Variants in SYNDIG1 observed in about 807,000 individuals in gnomAD.
SYNDIG1 encodes the protein synapse differentiation-inducing gene protein 1.
In SYNDIG1, 9 loss-of-function variants were observed where a neutral mutation model predicts 19.4. The ratio of observed to expected loss-of-function variants is 0.46; its 90% CI spans 0.28 to 0.81. SYNDIG1 has a LOEUF of 0.81. Ranked by LOEUF, SYNDIG1 falls within the 30% of genes least tolerant of loss-of-function variation. SYNDIG1 has a pLI of 0.12. For missense variants in SYNDIG1, 311 were observed against 343.3 expected, an observed-to-expected ratio of 0.91 and a Z score of 0.74; for synonymous variants, 141 against 145.9, an observed-to-expected ratio of 0.97 and a Z score of 0.24.
chr20:24,519,246 C>G (rs183191765), intron 1 of SYNDIG1, among the ~76,000 whole-genome samples: 1 of 152,114 alleles, frequency 6.6e-6, no homozygotes, highest in Non-Finnish European at 1.5e-5. Context: ...CGATACTGTC[C>G]GTGAAATTGT....
Position 24,578,900 on chromosome 20 carries a change from A to G in SYNDIG1, c.481-5956A>G, listed in dbSNP as rs567671678. ...TGCTGCATTCTCCATCATAAAGGCCACGAGCTCCCTGGAGTTCCCAGGAGG... is the reference window on the plus strand; with the variant it reads ...TGCTGCATTCTCCATCATAAAGGCCGCGAGCTCCCTGGAGTTCCCAGGAGG... On this transcript the variant is annotated intron_variant, in intron 2 of 3. Transcript: ENST00000376862. Among the ~76,000 whole-genome samples the G allele has an allele frequency of 3.9e-5, 6 of 152,328 alleles. No homozygotes were observed. The East Asian group carries it at 9.6e-4, about 24-fold the overall frequency.
intron 3 of SYNDIG1, among the ~76,000 whole-genome samples, chr20:24,639,736 G>A (rs540154592): frequency 5.1e-4 from 78 of 152,324 alleles, no homozygotes; most frequent in Non-Finnish European, 1.1e-3. Flanking sequence ...ACACTCAAGA[G>A]TTTAGCCTGA....
intron 1 of SYNDIG1, among the ~76,000 whole-genome samples, chr20:24,490,176 C>G (rs545399016): frequency 2.0e-5 from 3 of 152,176 alleles, no homozygotes; most frequent in African/African-American, 7.2e-5. Context: ...AGTGCCTCTG[C>G]GGGTCTGGTT....
intron 3 of SYNDIG1, among the ~76,000 whole-genome samples, chr20:24,635,250 C>G (rs1475180476): frequency 6.6e-6 from 1 of 152,236 alleles, no homozygotes; most frequent in East Asian, 1.9e-4. Flanking sequence ...AGAAACCATG[C>G]AGTGAAGAGC....
At chr20:24,587,208 G>C (rs1198593486) in intron 3 of SYNDIG1, among the ~76,000 whole-genome samples, 2 of 152,230 alleles carry the variant, frequency 1.3e-5, no homozygotes, top group African/African-American at 4.8e-5. Context: ...TATGGGCGTA[G>C]AGAGGAGCTC....
At chr20:24,649,254 T>C (rs1225459912) in intron 3 of SYNDIG1, among the ~76,000 whole-genome samples, 1 of 152,212 alleles carries the variant, frequency 6.6e-6, no homozygotes, top group East Asian at 1.9e-4. Flanking sequence ...GGGTGGACAC[T>C]CAGCTGACCA....
intron 2 of SYNDIG1, among the ~76,000 whole-genome samples, chr20:24,568,024 C>G (rs1353499105): frequency 6.6e-6 from 1 of 152,092 alleles, no homozygotes; most frequent in African/African-American, 2.4e-5. Flanking sequence ...GCCTGTAATC[C>G]CAGCTACTTG....
chr20:24,517,805 T>TATA (rs1555790325), intron 1 of SYNDIG1, among the ~76,000 whole-genome samples: 44 of 143,178 alleles, frequency 3.1e-4, no homozygotes, highest in African/African-American at 9.5e-4. Context: ...AAAATATTTT[T>TATA]TATATATATA....
intron 1 of SYNDIG1, among the ~76,000 whole-genome samples, chr20:24,521,225 G>A (rs566040536): frequency 4.6e-5 from 7 of 152,286 alleles, no homozygotes; most frequent in African/African-American, 9.6e-5. Flanking sequence ...GTCAATGGGC[G>A]TTTTCATTGT....
intron 1 of SYNDIG1, among the ~76,000 whole-genome samples, chr20:24,511,758 T>C (rs939054780): frequency 5.9e-5 from 9 of 152,180 alleles, no homozygotes; most frequent in African/African-American, 2.2e-4. Flanking sequence ...TTATGCAGCA[T>C]ACTTACATGC....
rs956381706 is a variant in SYNDIG1 at position 24,491,266 on chromosome 20, AAC to A, written c.-79+21515_-79+21516del. On this transcript the variant is annotated intron_variant, in intron 1 of 3. Transcript: ENST00000376862. Reference sequence around the variant, plus strand: ...TGGTGACTCGTGGAATACTTAATAAAACAAAGTAAGGGTTGCCCCTGGAGAAC... The same window carrying A: ...TGGTGACTCGTGGAATACTTAATAAAAAAGTAAGGGTTGCCCCTGGAGAAC... Among the ~76,000 whole-genome samples the A allele has an allele frequency of 5.2e-4, 79 of 152,326 alleles. 1 individual carries two copies. The highest frequency in any genetic ancestry group is 1.8e-3 in the African/African-American group (76 of 41,590).
At chr20:24,598,435 T>A (rs527576279) in intron 3 of SYNDIG1, among the ~76,000 whole-genome samples, 1 of 152,232 alleles carries the variant, frequency 6.6e-6, no homozygotes, top group African/African-American at 2.4e-5. Flanking sequence ...TTACAGTGAG[T>A]TTTATTTCAT....
chr20:24,635,864 C>A (rs978228188), intron 3 of SYNDIG1, among the ~76,000 whole-genome samples: 13 of 152,174 alleles, frequency 8.5e-5, no homozygotes. Context: ...GGTCACCATG[C>A]CATCTACCAC....
chr20:24,554,913 G>A (rs1240964226), intron 2 of SYNDIG1, among the ~76,000 whole-genome samples: 10 of 151,696 alleles, frequency 6.6e-5, no homozygotes, highest in East Asian at 1.9e-4. Flanking sequence ...GGTAGAATTC[G>A]GCTGTGAATC....
intron 3 of SYNDIG1, among the ~76,000 whole-genome samples, chr20:24,646,025 G>T (rs1453122759): frequency 6.6e-6 from 1 of 152,134 alleles, no homozygotes; most frequent in East Asian, 1.9e-4. Context: ...CATCCACCTG[G>T]AGAGAGGAGA....
intron 1 of SYNDIG1, among the ~76,000 whole-genome samples, chr20:24,516,124 C>T (rs1234460552): frequency 6.6e-6 from 1 of 152,206 alleles, no homozygotes; most frequent in Non-Finnish European, 1.5e-5. Context: ...GCTGGGAAAA[C>T]TGGCTAGCCA....
At chr20:24,634,909 A>G (rs2059300128) in intron 3 of SYNDIG1, among the ~76,000 whole-genome samples, 1 of 152,150 alleles carries the variant, frequency 6.6e-6, no homozygotes, top group African/African-American at 2.4e-5. Context: ...GCTGCTGAGC[A>G]TTGGTTGTGC....
intron 1 of SYNDIG1, among the ~76,000 whole-genome samples, chr20:24,497,264 C>T (rs114231688): frequency 0.026 from 3,941 of 152,232 alleles, 177 homozygotes; most frequent in African/African-American, 0.09. Context: ...TGCAGGGATG[C>T]GATCTCGGCT....
At chr20:24,613,883 G>A (rs573763965) in intron 3 of SYNDIG1, among the ~76,000 whole-genome samples, 59 of 152,358 alleles carry the variant, frequency 3.9e-4, no homozygotes, top group African/African-American at 1.3e-3. Context: ...GCGGGGAAGC[G>A]TGAATGGAGA....
Sources: gnomAD v4.1 joint callset for allele counts (sites outside exome capture counted in the v4.1 genomes callset) on GRCh38, gnomAD v4.1.1 for gene constraint, MANE v1.5 for transcripts, NCBI Gene and HGNC (gene_info 2026-07-23, HGNC 2026-07-21) for gene names.